DYRK4: variants seen among roughly 807,000 people sequenced by gnomAD.
DYRK4 encodes dual specificity tyrosine phosphorylation regulated kinase 4, also known as dual specificity tyrosine-phosphorylation-regulated kinase 4.
Under a neutral mutation model 68.3 loss-of-function variants are expected in DYRK4, and 64 were observed. The ratio of observed to expected loss-of-function variants is 0.94; its 90% CI spans 0.77 to 1.15. DYRK4 has a LOEUF of 1.15. Among genes scored for constraint, DYRK4 ranks in the 50% most tolerant of loss-of-function variants. DYRK4 has a pLI of 0.00. For missense variants in DYRK4, 740 were observed against 764.7 expected, an observed-to-expected ratio of 0.97 and a Z score of 0.38; for synonymous variants, 274 against 289.9, an observed-to-expected ratio of 0.95 and a Z score of 0.56.
intron 6 of DYRK4, among the ~76,000 whole-genome samples, chr12:4,594,424 G>A (rs1032180398): frequency 3.9e-5 from 6 of 152,030 alleles, no homozygotes; most frequent in East Asian, 1.9e-4. Flanking sequence ...GGGTTAAACC[G>A]TGTTGGCCAG....
chr12:4,603,186 T>G, intron 10 of DYRK4: 1 of 1,232,116 alleles, frequency 8.1e-7, no homozygotes, highest in Non-Finnish European at 1.2e-6. Flanking sequence ...TCATTTCTTC[T>G]TGGTGAGACC....
At chr12:4,571,434 G>C (rs1371379376) in intron 2 of DYRK4, among the ~76,000 whole-genome samples, 1 of 152,178 alleles carries the variant, frequency 6.6e-6, no homozygotes, top group Non-Finnish European at 1.5e-5. Flanking sequence ...TTGCCCTCCA[G>C]AACTGTGCTG....
chr12:4,581,643 AG>A (rs917699493), intron 2 of DYRK4, among the ~76,000 whole-genome samples: 13 of 152,160 alleles, frequency 8.5e-5, no homozygotes, highest in African/African-American at 3.1e-4. Flanking sequence ...CCACCAGGAG[AG>A]GGAAGGACTG....
intron 2 of DYRK4, among the ~76,000 whole-genome samples, chr12:4,573,958 G>T (rs117336377): frequency 0.066 from 9,969 of 152,184 alleles, 551 homozygotes; most frequent in Admixed American, 0.17. Flanking sequence ...CCGCGCAGTG[G>T]CTCACGCCTG....
intron 1 of DYRK4, among the ~76,000 whole-genome samples, chr12:4,565,744 T>A (rs946178319): frequency 2.0e-5 from 3 of 151,896 alleles, no homozygotes; most frequent in Admixed American, 6.6e-5. Flanking sequence ...TCCTGCCTCA[T>A]CCTCCCGAGT....
At chr12:4,605,178 T>A in intron 11 of DYRK4, 92 bp downstream of exon 11, 1 of 1,158,484 alleles carries the variant, frequency 8.6e-7, no homozygotes, top group South Asian at 1.5e-5. Flanking sequence ...GACCATGGCC[T>A]GCATACCTTG....
chr12:4,596,249 AG>A lies in DYRK4; in HGVS notation c.729del (p.Glu243AspfsTer5). 6.2e-7 allele frequency: 1 copy of A among 1,614,134 alleles called. No individual in the cohort carries two copies. The highest frequency in any genetic ancestry group is 8.5e-7 in the Non-Finnish European group (1 of 1,180,034). ...VAKCLDHKNN[E>X]LVALKIIRNK... ...AAGTGCTTGGATCACAAAAACAATGAGCTGGTGGCCCTGAAAATCATCAGGA... is the reference window on the plus strand; with the variant it reads ...AAGTGCTTGGATCACAAAAACAATGACTGGTGGCCCTGAAAATCATCAGGA... On this transcript the variant is annotated frameshift_variant, in exon 7 of 15. Coordinates refer to ENST00000543431, the MANE Select transcript of DYRK4 (RefSeq NM_001394779.1). LOFTEE classifies it high-confidence loss of function.
chr12:4,598,921 G>A, intron 8 of DYRK4, 107 bp from the exon 9 acceptor site: 4 of 1,313,828 alleles, frequency 3.0e-6, no homozygotes, highest in South Asian at 2.7e-5. Context: ...CCTGAGGCTT[G>A]CCTGCTACTA....
intron 13 of DYRK4, among the ~76,000 whole-genome samples, chr12:4,611,887 A>G (rs541607945): frequency 6.6e-6 from 1 of 152,374 alleles, no homozygotes; most frequent in Admixed American, 6.5e-5. Context: ...TGTGATGGTA[A>G]TGTGTTGATG....
Position 4,604,963 on chromosome 12 carries a change from G to A in DYRK4, c.1176G>A (p.Leu392=), listed in dbSNP as rs142001847. The change falls in exon 11 of 15, where the codon CTG becomes CTA. Residue 392 remains leucine, a synonymous_variant. Transcript: ENST00000543431. ...SRFYRSPEVI[L]GHPYDVAIDM... Reference sequence around the variant, plus strand: ...TCTACCGATCCCCAGAAGTGATCCTGGGCCACCCCTACGACGTGGCCATTG... The same window carrying A: ...TCTACCGATCCCCAGAAGTGATCCTAGGCCACCCCTACGACGTGGCCATTG... The A allele has an allele frequency of 2.6e-5, 42 of 1,613,380 alleles. No individual in the cohort carries two copies. Among genetic ancestry groups the A allele is most frequent in the Non-Finnish European group, 3.5e-5 (41 of 1,179,622 alleles).
Position 4,596,205 on chromosome 12 carries a change from G to A in DYRK4, c.684G>A (p.Gly228=), listed in dbSNP as rs1226710351. 1.2e-6 allele frequency: 2 copies of A among 1,614,070 alleles called. No individual in the cohort carries two copies. The highest frequency in any genetic ancestry group is 2.7e-5 in the African/African-American group (2 of 74,922). The change falls in exon 7 of 15, where the codon GGG becomes GGA. Residue 228 remains glycine (G), a synonymous_variant. Transcript: ENST00000543431. Reference sequence around the variant, plus strand: ...AAGTTCTGGAGACAATCGGGAAGGGGTCCTTTGGACAGGTGGCCAAGTGCT... The same window carrying A: ...AAGTTCTGGAGACAATCGGGAAGGGATCCTTTGGACAGGTGGCCAAGTGCT... ...RYEVLETIGK[G]SFGQVAKCLD...
intron 1 of DYRK4, among the ~76,000 whole-genome samples, 194 bp from the exon 2 acceptor site, chr12:4,567,761 G>A (rs1416814717): frequency 6.6e-6 from 1 of 152,040 alleles, no homozygotes; most frequent in Admixed American, 6.5e-5. Flanking sequence ...TCCTTCCCTG[G>A]CTTCTGTCTG....
chr12:4,564,827 A>T (rs74060031), intron 1 of DYRK4, among the ~76,000 whole-genome samples: 3,220 of 152,326 alleles, frequency 0.021, 99 homozygotes, highest in African/African-American at 0.073. Flanking sequence ...GGAATTTTTT[A>T]AAAATGCAGG....
intron 5 of DYRK4, among the ~76,000 whole-genome samples, chr12:4,592,265 C>T (rs1205784393): frequency 5.3e-5 from 8 of 152,174 alleles, no homozygotes; most frequent in Non-Finnish European, 1.0e-4. Context: ...TACTTGACTG[C>T]CCTTCACATA....
At position 4,580,121 on chromosome 12, in the gene DYRK4, G is replaced by A. The variant is rs546649796; in HGVS notation, c.133-8816G>A. On this transcript the variant is annotated intron_variant, in intron 2 of 14. Coordinates refer to ENST00000543431, the MANE Select transcript of DYRK4 (RefSeq NM_001394779.1). Reference sequence around the variant, plus strand: ...ATTTAACAGAAGTCCAGAAAACAAAGTATCTCCCCAAGGCCCTGCACTGAA... The same window carrying A: ...ATTTAACAGAAGTCCAGAAAACAAAATATCTCCCCAAGGCCCTGCACTGAA... Among the ~76,000 whole-genome samples the A allele has an allele frequency of 5.3e-5, 8 of 152,338 alleles. No individual in the cohort carries two copies. In the South Asian group the frequency reaches 1.7e-3, roughly 32 times the overall value.
chr12:4,612,897 A>C, intron 14 of DYRK4, 179 bp downstream of exon 14: 2 of 620,778 alleles, frequency 3.2e-6, no homozygotes, highest in Non-Finnish European at 5.4e-6. Context: ...TTTGCATGTC[A>C]ATTTCTCTAA....
intron 8 of DYRK4, chr12:4,597,293 C>T (rs1004256891): frequency 6.0e-6 from 2 of 334,932 alleles, no homozygotes; most frequent in Admixed American, 6.4e-5. Flanking sequence ...CCATCTGATG[C>T]AATTTATATA....
At chr12:4,573,990 C>T (rs1246191652) in intron 2 of DYRK4, among the ~76,000 whole-genome samples, 2 of 152,062 alleles carry the variant, frequency 1.3e-5, no homozygotes, top group South Asian at 2.1e-4. Flanking sequence ...CTTTGGGAGG[C>T]CAAGGCGGGT....
At chr12:4,575,484 T>A (rs1302257633) in intron 2 of DYRK4, among the ~76,000 whole-genome samples, 2 of 152,118 alleles carry the variant, frequency 1.3e-5, no homozygotes, top group Non-Finnish European at 2.9e-5. Flanking sequence ...AATTTTTTTG[T>A]ACTTTTAGTA....
Sources: gnomAD v4.1 joint callset for allele counts (sites outside exome capture counted in the v4.1 genomes callset) on GRCh38, gnomAD v4.1.1 for gene constraint, MANE v1.5 for transcripts, NCBI Gene and HGNC (gene_info 2026-07-23, HGNC 2026-07-21) for gene names.